SLC17A1: variants seen among roughly 807,000 people sequenced by gnomAD.
SLC17A1 encodes the protein sodium-dependent phosphate transport protein 1.
A neutral mutation model predicts 53.5 loss-of-function variants in SLC17A1; 51 were observed. That is an observed-to-expected ratio of 0.95 (90% CI 0.76 to 1.20). The LOEUF is 1.20. SLC17A1 is among the 50% of genes most tolerant of loss of function. The pLI, the probability that SLC17A1 is intolerant of heterozygous loss-of-function variation, is 0.00. For missense variants in SLC17A1, 538 were observed against 568.2 expected (o/e 0.95, Z 0.54); for synonymous variants, 179 against 198.8 (o/e 0.90, Z 0.84).
chr6:25,743,098 C>A, the SLC17A1 span, among the ~76,000 whole-genome samples: 1 of 152,174 alleles, frequency 6.6e-6, no homozygotes, highest in African/African-American at 2.4e-5. Context: ...TGAGAATCAT[C>A]TCCATGTGTT....
chr6:25,811,682 T>C lies in SLC17A1; in HGVS notation c.986A>G (p.Asn329Ser), dbSNP rs750878253. The C allele has an allele frequency of 1.2e-6, 2 of 1,613,912 alleles. No individual in the cohort carries two copies. The highest frequency in any genetic ancestry group is 1.7e-6 in the Non-Finnish European group (2 of 1,179,844). The change falls in exon 9 of 13, where the codon AAT becomes AGT. Residue 329 changes from asparagine to serine, a missense_variant. Asn to Ser is a conservative substitution (Grantham distance 46, BLOSUM62 1). Transcript: ENST00000244527. ...CCGGACAGCAATTACGCTGAGAATA[T>C]TCCTGGTCAGGAAGAAGTCTGATAA... ...GQLSDFFLTRNILSVIAVRKL... is the reference protein window; with the variant it reads ...GQLSDFFLTRSILSVIAVRKL...
chr6:25,772,069 G>A, the SLC17A1 span, among the ~76,000 whole-genome samples: 3 of 152,090 alleles, frequency 2.0e-5, no homozygotes, highest in Non-Finnish European at 4.4e-5. Context: ...TAGATCAAGG[G>A]TTTCTGTAAA....
the SLC17A1 span, among the ~76,000 whole-genome samples, chr6:25,744,920 A>T: frequency 1.3e-5 from 2 of 152,172 alleles, no homozygotes; most frequent in African/African-American, 4.8e-5. Context: ...GTACCCCAAA[A>T]CTATTATCCA....
At chr6:25,726,108 C>G in the SLC17A1 span, 1 of 1,503,298 alleles carries the variant, frequency 6.7e-7, no homozygotes. Flanking sequence ...ACACAGAAGT[C>G]TTTTTACCAA....
the SLC17A1 span, among the ~76,000 whole-genome samples, chr6:25,725,018 ATTT>A: frequency 2.1e-5 from 3 of 142,078 alleles, no homozygotes; most frequent in African/African-American, 7.8e-5. Flanking sequence ...TAACCAAATG[ATTT>A]TTTTTTTTTT....
chr6:25,765,016 C>T, the SLC17A1 span, among the ~76,000 whole-genome samples: 1 of 152,190 alleles, frequency 6.6e-6, no homozygotes, highest in African/African-American at 2.4e-5. Context: ...CACCCACATA[C>T]ACCACCACAT....
the SLC17A1 span, among the ~76,000 whole-genome samples, chr6:25,763,580 C>T: frequency 2.0e-5 from 3 of 152,178 alleles, no homozygotes; most frequent in Non-Finnish European, 4.4e-5. Flanking sequence ...TCTCCAAAGG[C>T]CACTCATATC....
At chr6:25,800,431 G>A (rs1763720945) in intron 11 of SLC17A1, among the ~76,000 whole-genome samples, 1 of 152,044 alleles carries the variant, frequency 6.6e-6, no homozygotes, top group African/African-American at 2.4e-5. Flanking sequence ...GGCATTTTCA[G>A]TGTCCTTAAA....
the SLC17A1 span, among the ~76,000 whole-genome samples, chr6:25,731,386 C>T: frequency 6.6e-6 from 1 of 152,240 alleles, no homozygotes; most frequent in South Asian, 2.1e-4. Context: ...GCCTAATGCT[C>T]AGTGCCAGAC....
intron 12 of SLC17A1, 157 bp downstream of exon 12, chr6:25,798,626 A>C (rs970132346): frequency 1.3e-5 from 7 of 551,794 alleles, no homozygotes; most frequent in African/African-American, 9.6e-5. Flanking sequence ...AGAGTCCCAC[A>C]GCCATTTCAG....
At chr6:25,726,848 T>C in the SLC17A1 span, 3 of 1,543,914 alleles carry the variant, frequency 1.9e-6, no homozygotes, top group Non-Finnish European at 2.6e-6. Context: ...TGTTGAGCAC[T>C]GGAAAGTGCT....
chr6:25,791,323 CA>C (rs1481092865), intron 12 of SLC17A1, among the ~76,000 whole-genome samples: 1 of 151,958 alleles, frequency 6.6e-6, no homozygotes, highest in African/African-American at 2.4e-5. Context: ...ATAATATTTT[CA>C]AAAGTGAAAA....
the SLC17A1 span, among the ~76,000 whole-genome samples, chr6:25,752,404 C>T: frequency 2.0e-5 from 3 of 152,042 alleles, no homozygotes; most frequent in Admixed American, 6.5e-5. Flanking sequence ...ATAAATGGAG[C>T]TTGTGAGACT....
chr6:25,794,892 T>G (rs1763573419), intron 12 of SLC17A1, among the ~76,000 whole-genome samples: 1 of 152,220 alleles, frequency 6.6e-6, no homozygotes, highest in Admixed American at 6.5e-5. Flanking sequence ...TCTTATTTTC[T>G]TCTAACTTCT....
intron 10 of SLC17A1, among the ~76,000 whole-genome samples, chr6:25,809,503 T>C (rs1050509080): frequency 4.6e-5 from 7 of 151,574 alleles, no homozygotes; most frequent in Admixed American, 1.3e-4. Context: ...ACACACAAAA[T>C]CAATGAAACA....
rs899208550 is a variant in SLC17A1 at position 25,811,877 on chromosome 6, A to G, written c.898-107T>C. 3 of 1,189,282 alleles carry G rather than the reference A, an allele frequency of 2.5e-6. No homozygotes were observed. In the South Asian group the frequency reaches 4.3e-5, roughly 17 times the overall value. The allele number at this position is 1,189,282 out of a possible 1,614,324, so 73.7% of individuals were successfully genotyped here. On this transcript the variant is annotated intron_variant, in intron 8 of 12. Coordinates refer to ENST00000244527, the MANE Select transcript of SLC17A1 (RefSeq NM_005074.5). ...TATTATCTAAAATGTGTACTTTCAT[A>G]TAGGAAATCATCAACATACAACAAC...
chr6:25,823,818 C>T (rs1490114937), intron 3 of SLC17A1, among the ~76,000 whole-genome samples: 5 of 151,950 alleles, frequency 3.3e-5, no homozygotes, highest in African/African-American at 4.8e-5. Context: ...CTTGAAAAAT[C>T]AGTTGTTCAT....
chr6:25,771,123 G>C, the SLC17A1 span: 1 of 890,852 alleles, frequency 1.1e-6, no homozygotes, highest in East Asian at 2.4e-5. Flanking sequence ...GCTAAAGCTG[G>C]TAGTGTTCAG....
At chr6:25,773,592 T>A in the SLC17A1 span, 15 of 1,613,890 alleles carry the variant, frequency 9.3e-6, 1 homozygote, top group African/African-American at 1.9e-4. Context: ...GTCTCTTATT[T>A]CTGTGAATAC....
Sources: allele counts gnomAD v4.1 joint callset (sites outside exome capture counted in the v4.1 genomes callset), GRCh38; gene constraint gnomAD v4.1.1; transcripts MANE v1.5; gene names NCBI Gene and HGNC (gene_info 2026-07-23, HGNC 2026-07-21).